SYT1: variants seen among roughly 807,000 people sequenced by gnomAD.
The protein encoded by SYT1 is synaptotagmin 1.
In SYT1, 8 loss-of-function variants were observed where a neutral mutation model predicts 44.8. That is an observed-to-expected ratio of 0.18 (90% CI 0.10 to 0.32). The LOEUF (loss-of-function observed/expected upper bound fraction) is 0.32, where lower values mean the gene tolerates loss of function less well. Ranked by LOEUF, SYT1 falls within the 10% of genes least tolerant of loss-of-function variation. The pLI is 1.00. For synonymous variants in SYT1, 154 were observed against 188.8 expected (o/e 0.82, Z 1.51); for missense variants, 286 against 509.3 (o/e 0.56, Z 4.22).
At chr12:79,300,820 T>C (rs1428313161) in intron 8 of SYT1, among the ~76,000 whole-genome samples, 1 of 140,018 alleles carries the variant, frequency 7.1e-6, no homozygotes. Context: ...TATATATATA[T>C]ATATTTACTG....
At chr12:79,304,755 C>A (rs1482413365) in intron 8 of SYT1, among the ~76,000 whole-genome samples, 1 of 151,974 alleles carries the variant, frequency 6.6e-6, no homozygotes, top group East Asian at 1.9e-4. Context: ...CTAAGTTTAT[C>A]ATGCCTAGAA....
rs564360930 is a variant in SYT1 at position 78,979,670 on chromosome 12, T to C, written c.-84+1739T>C. ...GCTGCAAAAAGCATTCTAGGTTGTT[T>C]ATTTCACCTTTAATATGAGTTTTAA... On this transcript the variant is annotated intron_variant, in intron 2 of 10. Transcript: ENST00000261205. Among the ~76,000 whole-genome samples, 36 of 152,264 alleles carry C rather than the reference T, an allele frequency of 2.4e-4. No individual in the cohort carries two copies. The South Asian group carries it at 6.6e-3, about 28-fold the overall frequency.
At chr12:79,433,517 T>C (rs896728136) in intron 9 of SYT1, among the ~76,000 whole-genome samples, 1 of 152,238 alleles carries the variant, frequency 6.6e-6, no homozygotes, top group Admixed American at 6.5e-5. Context: ...GCTAGTGACC[T>C]TTCATCTGAC....
intron 8 of SYT1, among the ~76,000 whole-genome samples, chr12:79,321,707 T>C (rs536502270): frequency 1.3e-5 from 2 of 152,286 alleles, no homozygotes; most frequent in African/African-American, 4.8e-5. Context: ...TACCAAAATA[T>C]GTTATACAAG....
At chr12:79,325,153 G>C (rs1353527385) in intron 8 of SYT1, among the ~76,000 whole-genome samples, 1 of 152,144 alleles carries the variant, frequency 6.6e-6, no homozygotes, top group Non-Finnish European at 1.5e-5. Flanking sequence ...GAAAAGCATG[G>C]GGGTTGCAGG....
At chr12:78,920,922 A>C (rs914308440) in intron 1 of SYT1, among the ~76,000 whole-genome samples, 7 of 151,892 alleles carry the variant, frequency 4.6e-5, no homozygotes, top group African/African-American at 1.7e-4. Flanking sequence ...ACTAAGATCC[A>C]GTCCTCAGCA....
chr12:79,048,217 C>T (rs1874214769), intron 3 of SYT1, among the ~76,000 whole-genome samples: 1 of 151,616 alleles, frequency 6.6e-6, no homozygotes, highest in Non-Finnish European at 1.5e-5. Flanking sequence ...AATGAAACAT[C>T]TATATCTTAG....
At position 79,143,650 on chromosome 12, in the gene SYT1, G is replaced by A. The variant is rs560093877; in HGVS notation, c.-17-73853G>A. ...TTTTGAAAACATAAAATCAGAACAA[G>A]TAGTCATCCTCAAATTCCTTAAAAC... On this transcript the variant is annotated intron_variant, in intron 3 of 10. Transcript: ENST00000261205. 2.0e-5 allele frequency among the ~76,000 whole-genome samples: 3 copies of A among 152,240 alleles called. No individual in the cohort carries two copies. The East Asian group carries it at 5.8e-4, about 29-fold the overall frequency.
intron 2 of SYT1, among the ~76,000 whole-genome samples, chr12:79,025,584 C>G (rs1872474425): frequency 6.6e-6 from 1 of 151,426 alleles, no homozygotes; most frequent in Non-Finnish European, 1.5e-5. Context: ...TGATTGATAT[C>G]TTAGGCATAC....
intron 1 of SYT1, among the ~76,000 whole-genome samples, chr12:78,891,858 A>G (rs964938914): frequency 6.6e-6 from 1 of 151,848 alleles, no homozygotes; most frequent in South Asian, 2.1e-4. Flanking sequence ...ACTGAGATGC[A>G]TGTCATCTCA....
chr12:79,133,367 G>C (rs1232865421), intron 3 of SYT1, among the ~76,000 whole-genome samples: 1 of 152,074 alleles, frequency 6.6e-6, no homozygotes, highest in African/African-American at 2.4e-5. Flanking sequence ...CTGGGTGTCA[G>C]AGTGAGACCC....
At chr12:79,125,452 A>C (rs1868377258) in intron 3 of SYT1, among the ~76,000 whole-genome samples, 1 of 109,308 alleles carries the variant, frequency 9.1e-6, no homozygotes, top group Non-Finnish European at 1.9e-5. Flanking sequence ...CTGTCTCTAC[A>C]AAAAAAAAAA....
At chr12:79,193,423 G>A (rs992551282) in intron 3 of SYT1, among the ~76,000 whole-genome samples, 8 of 152,282 alleles carry the variant, frequency 5.3e-5, no homozygotes, top group African/African-American at 1.9e-4. Flanking sequence ...TGGGTAGAAA[G>A]TTTGCCAGGA....
rs1262391321 is a variant in SYT1, at chr12:79,430,386, T to C, written c.929-13687T>C. On this transcript the variant is annotated intron_variant, in intron 9 of 10. Coordinates refer to ENST00000261205, the MANE Select transcript of SYT1 (RefSeq NM_005639.3). The stretch of plus-strand genomic sequence containing the variant: ...TATGGACTAATTTAAATATAACTTT[T>C]TTAGGAATTGATGTCTTCTCTTCCC... Among the ~76,000 whole-genome samples the C allele has an allele frequency of 4.6e-5, 7 of 152,344 alleles. No homozygotes were observed. The East Asian group carries it at 1.4e-3, about 29-fold the overall frequency.
chr12:79,407,016 G>A (rs895873068), intron 9 of SYT1, among the ~76,000 whole-genome samples: 1 of 151,998 alleles, frequency 6.6e-6, no homozygotes, highest in African/African-American at 2.4e-5. Context: ...ATGGTTCTGA[G>A]CCTCAGTTTA....
At chr12:79,348,943 A>C (rs1882727078) in intron 8 of SYT1, among the ~76,000 whole-genome samples, 1 of 150,304 alleles carries the variant, frequency 6.7e-6, no homozygotes, top group African/African-American at 2.5e-5. Flanking sequence ...AAGGAAAGAA[A>C]AAGAAAGAAA....
At chr12:79,114,243 T>C (rs1879162315) in intron 3 of SYT1, among the ~76,000 whole-genome samples, 1 of 152,130 alleles carries the variant, frequency 6.6e-6, no homozygotes, top group Admixed American at 6.6e-5. Context: ...CACGGCTTTA[T>C]GGGGAAAAAT....
At chr12:79,239,378 C>T (rs1050268286) in intron 4 of SYT1, among the ~76,000 whole-genome samples, 4 of 152,136 alleles carry the variant, frequency 2.6e-5, no homozygotes, top group Non-Finnish European at 5.9e-5. Flanking sequence ...GAGAAGCCAA[C>T]GGACACATGA....
At chr12:79,136,780 A>G (rs1214538952) in intron 3 of SYT1, among the ~76,000 whole-genome samples, 1 of 152,204 alleles carries the variant, frequency 6.6e-6, no homozygotes, top group Non-Finnish European at 1.5e-5. Flanking sequence ...TTACATTTAG[A>G]AAAAAATCAT....
Sources: allele counts gnomAD v4.1 joint callset (sites outside exome capture counted in the v4.1 genomes callset), GRCh38; gene constraint gnomAD v4.1.1; transcripts MANE v1.5; gene names NCBI Gene and HGNC (gene_info 2026-07-23, HGNC 2026-07-21).